Variants in SPATA7 observed in about 807,000 individuals in gnomAD.
The protein encoded by SPATA7 is spermatogenesis associated 7, also known as spermatogenesis-associated protein 7.
SPATA7 carries 43 observed loss-of-function variants against 51.8 expected under a neutral mutation model. The ratio of observed to expected loss-of-function variants is 0.83; its 90% CI spans 0.65 to 1.07. The LOEUF (loss-of-function observed/expected upper bound fraction) is 1.07. Among genes scored for constraint, SPATA7 ranks in the 50% least tolerant of loss-of-function variants. The probability of loss-of-function intolerance (pLI) is 0.00; values close to 1 mark genes in which losing one functional copy is unlikely to be tolerated. For missense variants in SPATA7, 683 were observed against 701.3 expected, an observed-to-expected ratio of 0.97 and a Z score of 0.30; for synonymous variants, 230 against 252.8, an observed-to-expected ratio of 0.91 and a Z score of 0.86.
chr14:88,407,944 T>C (rs2076241408), intron 4 of SPATA7, among the ~76,000 whole-genome samples: 1 of 152,166 alleles, frequency 6.6e-6, no homozygotes, highest in African/African-American at 2.4e-5. Context: ...TTCTGAGACC[T>C]CTGTTCTATT....
chr14:88,469,677 G>A lies in SPATA7; in HGVS notation c.255-170G>A. 1.2e-6 allele frequency: 2 copies of A among 1,614,168 alleles called. No individual in the cohort carries two copies. Among genetic ancestry groups the A allele is most frequent in the South Asian group, 1.1e-5 (1 of 91,080 alleles). ...TCTTAAACCTTCCATAGGTGACAGT[G>A]TTGTGCCTGGAACCAAGTCGTGGCC... is the stretch of plus-strand genomic sequence containing the variant. On this transcript the variant is annotated intron_variant, in intron 4 of 4. Transcript: ENST00000556406. This position sits in a 1 kb window ranked among gnomAD's most constrained non-coding sequence, Gnocchi z 4.3.
At chr14:88,444,673 G>C (rs2140040059) in intron 3 of SPATA7, among the ~76,000 whole-genome samples, 1 of 152,282 alleles carries the variant, frequency 6.6e-6, no homozygotes, top group Middle Eastern at 3.4e-3. Context: ...AAGGTGTAAG[G>C]AAGGGATCCA....
At chr14:88,452,939 T>C (rs60667712) in intron 3 of SPATA7, among the ~76,000 whole-genome samples, 5,787 of 152,292 alleles carry the variant, frequency 0.038, 359 homozygotes, top group African/African-American at 0.13. Context: ...TCCATGTATC[T>C]GCTCAGGGTA....
chr14:88,437,288 G>A (rs1185350674), intron 10 of SPATA7, among the ~76,000 whole-genome samples: 1 of 151,702 alleles, frequency 6.6e-6, no homozygotes, highest in African/African-American at 2.4e-5. Context: ...CAGCTTTTTG[G>A]TGGTGGGGTG....
chr14:88,458,051 C>G (rs1200315991), downstream of SPATA7, among the ~76,000 whole-genome samples: 2 of 152,074 alleles, frequency 1.3e-5, no homozygotes, highest in African/African-American at 2.4e-5. Flanking sequence ...ATATGTTGAA[C>G]CAGCCTTGCA....
intron 4 of SPATA7, among the ~76,000 whole-genome samples, chr14:88,463,856 GT>G (rs58851498): frequency 0.41 from 61,137 of 150,528 alleles, 13,661 homozygotes; most frequent in African/African-American, 0.61. Flanking sequence ...TTTTTGTTTT[GT>G]TTTTTTTTGA....
downstream of SPATA7, among the ~76,000 whole-genome samples, chr14:88,458,668 A>G (rs1254135976): frequency 1.3e-5 from 2 of 151,992 alleles, no homozygotes; most frequent in East Asian, 3.9e-4. Flanking sequence ...GATCTTTTCA[A>G]AAAACGAGCC....
At chr14:88,408,801 A>C (rs2076263660) in intron 4 of SPATA7, among the ~76,000 whole-genome samples, 1 of 152,112 alleles carries the variant, frequency 6.6e-6, no homozygotes, top group Admixed American at 6.5e-5. Flanking sequence ...TAGTTTATTG[A>C]GGGTTTTTAG....
rs922101058 is a variant in SPATA7 at position 88,469,203 on chromosome 14, C to T, written c.255-644C>T. Reference sequence around the variant, plus strand: ...TAAAGAGCACTGGGTGCCAGTGAACCAAACCCAACCACAAAGGGACAGTGT... The same window carrying T: ...TAAAGAGCACTGGGTGCCAGTGAACTAAACCCAACCACAAAGGGACAGTGT... On this transcript the variant is annotated intron_variant, in intron 4 of 4. Coordinates refer to the SPATA7 transcript ENST00000556406. The surrounding 1 kb of genome is among the most constrained non-coding windows in gnomAD (Gnocchi z 4.3). 2.0e-5 allele frequency: 20 copies of T among 1,006,012 alleles called. No homozygotes were observed. Among genetic ancestry groups the T allele is most frequent in the Middle Eastern group, 5.0e-4 (2 of 4,010 alleles). The allele number at this position is 1,006,012 out of a possible 1,614,324, so 62.3% of individuals were successfully genotyped here.
chr14:88,448,468 G>T (rs2140045729), intron 3 of SPATA7, among the ~76,000 whole-genome samples: 1 of 152,280 alleles, frequency 6.6e-6, no homozygotes, highest in South Asian at 2.1e-4. Flanking sequence ...ATCGTCTGAA[G>T]CCTTCTTCTC....
intron 4 of SPATA7, among the ~76,000 whole-genome samples, chr14:88,461,908 G>T (rs905538786): frequency 5.3e-5 from 8 of 152,092 alleles, no homozygotes; most frequent in African/African-American, 1.7e-4. Flanking sequence ...ACTTACAGGG[G>T]TTTAAGTATT....
intron 1 of SPATA7, among the ~76,000 whole-genome samples, chr14:88,391,178 AT>A (rs1482329301): frequency 6.6e-6 from 1 of 152,208 alleles, no homozygotes; most frequent in Non-Finnish European, 1.5e-5. Flanking sequence ...GGGATAAAGC[AT>A]TTATATTTTG....
chr14:88,424,374 C>G (rs1277951102), intron 5 of SPATA7, among the ~76,000 whole-genome samples: 1 of 152,178 alleles, frequency 6.6e-6, no homozygotes, highest in Non-Finnish European at 1.5e-5. Context: ...GGAAAAGTTT[C>G]ATGCTTTCTA....
At chr14:88,386,135 GAACC>G in intron 1 of SPATA7, 1 of 1,029,788 alleles carries the variant, frequency 9.7e-7, no homozygotes, top group Non-Finnish European at 1.3e-6. Flanking sequence ...CCAGGCAGAG[GAACC>G]AGGTTTGGTC....
chr14:88,442,170 G>T (rs1326755117), downstream of SPATA7, among the ~76,000 whole-genome samples: 1 of 129,588 alleles, frequency 7.7e-6, no homozygotes, highest in African/African-American at 2.7e-5. Context: ...TGGTCTATAT[G>T]CCTGTTTGTT....
At chr14:88,414,556 T>A in intron 4 of SPATA7, 1 of 271,836 alleles carries the variant, frequency 3.7e-6, no homozygotes, top group Non-Finnish European at 7.3e-6. Flanking sequence ...CAATTTCAAT[T>A]ATTTCTGCTT....
In SPATA7 at chr14:88,388,070, C is replaced by T. The variant is rs376605269; in HGVS notation, c.19+2233C>T. On this transcript the variant is annotated intron_variant, in intron 1 of 11. Coordinates refer to ENST00000393545, the MANE Select transcript of SPATA7 (RefSeq NM_018418.5). Reference sequence around the variant, plus strand: ...TACAAAAATTAGCCAGGCATGGTGGCGTGCGCCTGTAGTCCCAGCTACTCG... The same window carrying T: ...TACAAAAATTAGCCAGGCATGGTGGTGTGCGCCTGTAGTCCCAGCTACTCG... Among the ~76,000 whole-genome samples, 67 of 152,034 alleles carry T rather than the reference C, an allele frequency of 4.4e-4. No individual in the cohort carries two copies. The East Asian group carries it at 7.0e-3, about 16-fold the overall frequency.
chr14:88,417,585 A>T (rs11159856), intron 5 of SPATA7, among the ~76,000 whole-genome samples: 1 of 152,028 alleles, frequency 6.6e-6, no homozygotes, highest in Non-Finnish European at 1.5e-5. Flanking sequence ...TAGGATTACA[A>T]GCATGAGCCA....
rs748171141 is a variant in SPATA7, at chr14:88,469,727, C to T, written c.255-120C>T. On this transcript the variant is annotated intron_variant, in intron 4 of 4. Coordinates refer to the SPATA7 transcript ENST00000556406. This position sits in a 1 kb window ranked among gnomAD's most constrained non-coding sequence, Gnocchi z 4.3. Reference sequence around the variant, plus strand: ...CAGTACCTAAAGCTCTTCTCCCTTCCACCCTCCTGTTAAAGATGAGCATGG... The same window carrying T: ...CAGTACCTAAAGCTCTTCTCCCTTCTACCCTCCTGTTAAAGATGAGCATGG... 1 of 1,614,060 alleles carries T rather than the reference C, an allele frequency of 6.2e-7. No individual in the cohort carries two copies. Among genetic ancestry groups the T allele is most frequent in the Admixed American group, 1.7e-5 (1 of 60,020 alleles).
Sources: gnomAD v4.1 joint callset for allele counts (sites outside exome capture counted in the v4.1 genomes callset) on GRCh38, gnomAD v4.1.1 for gene constraint, Gnocchi (gnomAD v3.1) non-coding constraint, MANE v1.5 for transcripts, NCBI Gene and HGNC (gene_info 2026-07-23, HGNC 2026-07-21) for gene names.